Variants in RSBN1L observed in about 807,000 individuals in gnomAD.
RSBN1L encodes round spermatid basic protein 1 like, also known as lysine-specific demethylase RSBN1L.
Under a neutral mutation model 67.7 loss-of-function variants are expected in RSBN1L, and 30 were observed. The ratio of observed to expected loss-of-function variants is 0.44; its 90% CI spans 0.33 to 0.60. RSBN1L has a LOEUF of 0.60. Ranked by LOEUF, RSBN1L falls within the 20% of genes least tolerant of loss-of-function variation. RSBN1L has a pLI of 0.02. For missense variants in RSBN1L, 992 were observed against 1,031.7 expected, an observed-to-expected ratio of 0.96 and a Z score of 0.53; for synonymous variants, 433 against 387.0, an observed-to-expected ratio of 1.12 and a Z score of -1.39.
chr7:77,763,206 T>C (rs1791718826), intron 3 of RSBN1L, among the ~76,000 whole-genome samples: 2 of 149,208 alleles, frequency 1.3e-5, no homozygotes, highest in East Asian at 3.9e-4. Context: ...CTTGAACTCC[T>C]GGGCTCAAGT....
At chr7:77,716,624 CTTTTTTTTTTTTTTTTT>C (rs61611975) in intron 1 of RSBN1L, among the ~76,000 whole-genome samples, 2 of 75,330 alleles carry the variant, frequency 2.7e-5, no homozygotes, top group East Asian at 7.8e-4. Context: ...GTATCTTCAT[CTTTTTTTTTTTTTTTTT>C]TTTTTTTTTA....
chr7:77,739,427 G>A (rs1023845631), intron 2 of RSBN1L, among the ~76,000 whole-genome samples: 3 of 151,882 alleles, frequency 2.0e-5, no homozygotes, highest in Non-Finnish European at 2.9e-5. Flanking sequence ...AATTGTGTCA[G>A]GTAGGCTGGG....
Position 77,778,606 on chromosome 7 carries a change from A to C in RSBN1L, c.1979A>C (p.Tyr660Ser). Residue 660 changes from tyrosine to serine, a missense_variant, in exon 8 of 8, where the codon TAT becomes TCT. By Grantham distance (144) the Tyr-to-Ser change is moderately radical. Transcript: ENST00000334955. ...EGIRYARIQL[Y>S]DNDIYFIPRN... The stretch of plus-strand genomic sequence containing the variant: ...ATTCGCTATGCCAGGATTCAGCTAT[A>C]TGATAATGACATTTATTTTATTCCA... 6.2e-7 allele frequency: 1 copy of C among 1,614,122 alleles called. No homozygotes were observed. Among genetic ancestry groups the C allele is most frequent in the Non-Finnish European group, 8.5e-7 (1 of 1,179,978 alleles).
Position 77,778,578 on chromosome 7 carries a change from G to A in RSBN1L, c.1951G>A (p.Gly651Ser). The change falls in exon 8 of 8, where the codon GGC (glycine) becomes AGC (serine). Residue 651 changes from glycine to serine, a missense_variant. Transcript: ENST00000334955. ...DAKLNQLRRE[G>S]IRYARIQLYD... ...AAAACTGAATCAACTGAGGAGGGAA[G>A]GCATTCGCTATGCCAGGATTCAGCT... 1 of 1,613,874 alleles carries A rather than the reference G, an allele frequency of 6.2e-7. No individual in the cohort carries two copies. Among genetic ancestry groups the A allele is most frequent in the South Asian group, 1.1e-5 (1 of 91,052 alleles).
At chr7:77,706,907 C>T (rs1170776804) in intron 1 of RSBN1L, among the ~76,000 whole-genome samples, 1 of 151,862 alleles carries the variant, frequency 6.6e-6, no homozygotes, top group African/African-American at 2.4e-5. Context: ...TTAAATATAG[C>T]AAATATATAT....
intron 3 of RSBN1L, among the ~76,000 whole-genome samples, chr7:77,764,481 A>G (rs1791736705): frequency 6.6e-6 from 1 of 152,176 alleles, no homozygotes; most frequent in Admixed American, 6.6e-5. Flanking sequence ...TTATATCATT[A>G]TCAAATTTTC....
chr7:77,768,509 TA>T, intron 4 of RSBN1L, 151 bp from the exon 5 acceptor site: 1 of 662,716 alleles, frequency 1.5e-6, no homozygotes, highest in African/African-American at 1.8e-5. Context: ...TATATCAATA[TA>T]TAGGGATATA....
intron 3 of RSBN1L, among the ~76,000 whole-genome samples, chr7:77,762,997 G>A (rs1791715002): frequency 6.6e-6 from 1 of 152,112 alleles, no homozygotes; most frequent in Non-Finnish European, 1.5e-5. Flanking sequence ...TGTTGGTACT[G>A]TGATGTCATA....
At chr7:77,702,824 CA>C (rs1790836258) in intron 1 of RSBN1L, among the ~76,000 whole-genome samples, 1 of 152,146 alleles carries the variant, frequency 6.6e-6, no homozygotes. Context: ...CCTGTGTGCT[CA>C]CATGACTTTT....
chr7:77,772,312 G>A (rs1020514168), intron 5 of RSBN1L, among the ~76,000 whole-genome samples: 1 of 152,288 alleles, frequency 6.6e-6, no homozygotes, highest in Admixed American at 6.5e-5. Context: ...AGGATGAGAG[G>A]AGACAATTAT....
At chr7:77,756,322 G>A (rs565255759) in intron 3 of RSBN1L, among the ~76,000 whole-genome samples, 1 of 152,010 alleles carries the variant, frequency 6.6e-6, no homozygotes, top group East Asian at 1.9e-4. Context: ...CAGTAGAGAT[G>A]GGGTTTCACC....
At chr7:77,764,046 T>TA (rs1791730678) in intron 3 of RSBN1L, among the ~76,000 whole-genome samples, 2 of 152,236 alleles carry the variant, frequency 1.3e-5, no homozygotes, top group African/African-American at 2.4e-5. Flanking sequence ...TACGTTGTGA[T>TA]ACTCTTACCA....
rs1041461006 is a variant in RSBN1L at position 77,773,153 on chromosome 7, C to T, written c.1632C>T (p.Thr544=). Residue 544 remains threonine (T), a synonymous_variant, in exon 6 of 8, where the codon ACC becomes ACT. Coordinates refer to ENST00000334955, the MANE Select transcript of RSBN1L (RefSeq NM_198467.3). The part of the protein sequence containing the change: ...PKSPFKRKRT[T]NEIKNLQYLP... ...TTCTTTTTTTAAAAAACAGAACTAC[C>T]AATGAAATAAAAAATCTTCAGTACC... 2.5e-6 allele frequency: 4 copies of T among 1,568,806 alleles called. No homozygotes were observed. The Admixed American group carries it at 5.8e-5, about 23-fold the overall frequency.
chr7:77,765,181 T>A (rs964748895), intron 3 of RSBN1L, among the ~76,000 whole-genome samples: 1 of 152,240 alleles, frequency 6.6e-6, no homozygotes, highest in Non-Finnish European at 1.5e-5. Flanking sequence ...TGAGTTCCTC[T>A]GTTCTAAGGA....
chr7:77,750,135 C>T, intron 3 of RSBN1L, 71 bp downstream of exon 3: 1 of 886,226 alleles, frequency 1.1e-6, no homozygotes, highest in East Asian at 2.9e-5. Flanking sequence ...TTTTTTGTTC[C>T]TAATTATAGG....
At chr7:77,697,410 AAG>A (rs1790752644) in intron 1 of RSBN1L, 1 of 206,572 alleles carries the variant, frequency 4.8e-6, no homozygotes, top group Non-Finnish European at 9.6e-6. Flanking sequence ...GGTTTTGTAA[AAG>A]ATGCTTGATT....
intron 1 of RSBN1L, among the ~76,000 whole-genome samples, chr7:77,705,996 G>A (rs1334046955): frequency 6.6e-6 from 1 of 151,106 alleles, no homozygotes; most frequent in Non-Finnish European, 1.5e-5. Flanking sequence ...CACCTCCCAG[G>A]TTCAAGCGAT....
At chr7:77,776,808 C>A (rs1197978523) in intron 6 of RSBN1L, among the ~76,000 whole-genome samples, 2 of 151,928 alleles carry the variant, frequency 1.3e-5, no homozygotes, top group African/African-American at 2.4e-5. Context: ...ATTATTGTTA[C>A]ATGTAGATAG....
At chr7:77,736,184 A>G (rs1475553531) in intron 1 of RSBN1L, among the ~76,000 whole-genome samples, 2 of 152,148 alleles carry the variant, frequency 1.3e-5, no homozygotes, top group African/African-American at 4.8e-5. Context: ...GAATACTTAG[A>G]ATAAAATGTA....
Sources: allele counts gnomAD v4.1 joint callset (sites outside exome capture counted in the v4.1 genomes callset), GRCh38; gene constraint gnomAD v4.1.1; transcripts MANE v1.5; gene names NCBI Gene and HGNC (gene_info 2026-07-23, HGNC 2026-07-21).